The following KLHL14 variants were observed in gnomAD, a reference collection of about 807,000 sequenced individuals.
KLHL14 encodes the protein kelch like family member 14.
KLHL14 carries 22 observed loss-of-function variants against 64.3 expected under a neutral mutation model. That is an observed-to-expected ratio of 0.34 (90% CI 0.24 to 0.49). The LOEUF is 0.49. KLHL14 is among the 20% of genes least tolerant of loss of function. The probability of loss-of-function intolerance (pLI) is 0.99; values close to 1 mark genes in which losing one functional copy is unlikely to be tolerated. For missense variants in KLHL14, 661 were observed against 789.0 expected (o/e 0.84, Z 1.94); for synonymous variants, 322 against 333.4 (o/e 0.97, Z 0.37).
chr18:32,735,497 C>A (rs1362473604), intron 3 of KLHL14, among the ~76,000 whole-genome samples: 1 of 152,130 alleles, frequency 6.6e-6, no homozygotes, highest in Non-Finnish European at 1.5e-5. Flanking sequence ...CAGCCACGCA[C>A]CTTCTTTTTG....
At chr18:32,767,805 C>A (rs899480397) in intron 2 of KLHL14, among the ~76,000 whole-genome samples, 1 of 152,172 alleles carries the variant, frequency 6.6e-6, no homozygotes, top group Non-Finnish European at 1.5e-5. Context: ...AGCTCCTCTG[C>A]CAAAATTACT....
At chr18:32,768,323 A>T (rs941165835) in intron 2 of KLHL14, among the ~76,000 whole-genome samples, 2 of 152,000 alleles carry the variant, frequency 1.3e-5, no homozygotes, top group Non-Finnish European at 2.9e-5. Context: ...AGAGCTGCCT[A>T]AAAAAGTGTA....
intron 2 of KLHL14, chr18:32,744,155 T>C (rs1205976404): frequency 6.6e-6 from 1 of 152,186 alleles, no homozygotes; most frequent in Non-Finnish European, 1.5e-5. Flanking sequence ...TATTTTAGTA[T>C]ATAAACAAAT....
intron 3 of KLHL14, among the ~76,000 whole-genome samples, chr18:32,728,985 C>T (rs572383798): frequency 4.6e-5 from 7 of 152,314 alleles, no homozygotes; most frequent in African/African-American, 1.4e-4. Flanking sequence ...GTTTGCAGAA[C>T]TGTGAGAGAA....
intron 5 of KLHL14, among the ~76,000 whole-genome samples, chr18:32,684,340 T>A (rs1405565295): frequency 6.6e-6 from 1 of 152,238 alleles, no homozygotes; most frequent in East Asian, 1.9e-4. Context: ...CCTGCTAAAC[T>A]GGGAAGGTGT....
At chr18:32,705,273 G>A (rs2049984586) in intron 3 of KLHL14, among the ~76,000 whole-genome samples, 1 of 152,190 alleles carries the variant, frequency 6.6e-6, no homozygotes, top group Non-Finnish European at 1.5e-5. Context: ...GCTAGAAGGA[G>A]AATGTTGAAT....
Position 32,770,059 on chromosome 18 carries a change from T to A in KLHL14, c.533A>T (p.Asn178Ile). ...GTAGTTCTGCACCGAGATCTGGTCG[T>A]TGAGGAACTGCACGCAGAGCTTGGT... ...QVTKLCVQFLNDQISVQNYKQ... is the reference protein window; with the variant it reads ...QVTKLCVQFLIDQISVQNYKQ... Residue 178 changes from asparagine to isoleucine, a missense_variant, in exon 2 of 9, where the codon AAC (asparagine) becomes ATC (isoleucine). Coordinates refer to ENST00000359358, the MANE Select transcript of KLHL14 (RefSeq NM_020805.3). The surrounding 1 kb of genome is among the most constrained non-coding windows in gnomAD (Gnocchi z 6.7). 1 of 1,613,846 alleles carries A rather than the reference T, an allele frequency of 6.2e-7. No homozygotes were observed. The highest frequency in any genetic ancestry group is 8.5e-7 in the Non-Finnish European group (1 of 1,179,960).
intron 4 of KLHL14, among the ~76,000 whole-genome samples, chr18:32,693,690 A>G (rs1208237979): frequency 1.3e-5 from 2 of 152,242 alleles, no homozygotes; most frequent in African/African-American, 4.8e-5. Context: ...AACCATCCCT[A>G]TGGTAAATGC....
chr18:32,693,780 G>A (rs1188408942), intron 4 of KLHL14, among the ~76,000 whole-genome samples: 1 of 152,070 alleles, frequency 6.6e-6, no homozygotes, highest in Non-Finnish European at 1.5e-5. Flanking sequence ...TCTCAGGGCT[G>A]GGAAAGAGAA....
intron 5 of KLHL14, among the ~76,000 whole-genome samples, chr18:32,685,138 G>A (rs1055576139): frequency 2.6e-5 from 4 of 152,262 alleles, no homozygotes; most frequent in East Asian, 1.9e-4. Context: ...GGTGGCTGCC[G>A]GGCGCCGACA....
chr18:32,723,341 C>T (rs142857040), intron 3 of KLHL14, among the ~76,000 whole-genome samples: 5 of 152,320 alleles, frequency 3.3e-5, no homozygotes, highest in Admixed American at 2.0e-4. Flanking sequence ...GTACTCTCCA[C>T]CCCAGGTCCT....
intron 2 of KLHL14, among the ~76,000 whole-genome samples, chr18:32,755,027 T>TGGAA (rs2050274810): frequency 6.6e-6 from 1 of 152,138 alleles, no homozygotes; most frequent in African/African-American, 2.4e-5. Context: ...GTGTGGCTTG[T>TGGAA]GGAATCCTGC....
intron 3 of KLHL14, among the ~76,000 whole-genome samples, chr18:32,717,693 T>C (rs2050053255): frequency 6.6e-6 from 1 of 152,240 alleles, no homozygotes; most frequent in South Asian, 2.1e-4. Context: ...GTCTGTCATA[T>C]AGATCAACAT....
At position 32,770,540 on chromosome 18, in the gene KLHL14, T is replaced by A; in HGVS notation, c.52A>T (p.Asn18Tyr). The A allele has an allele frequency of 1.2e-6, 2 of 1,604,992 alleles. No individual in the cohort carries two copies. The highest frequency in any genetic ancestry group is 1.7e-5 in the Admixed American group (1 of 59,728). ...TSTFDPSHSDNLLHGLNLLWR... is the reference protein window; with the variant it reads ...TSTFDPSHSDYLLHGLNLLWR... ...AGCAGGTTGAGGCCGTGCAGCAGGT[T>A]GTCGCTGTGGCTGGGGTCGAAGGTG... is the stretch of plus-strand genomic sequence containing the variant. Residue 18 changes from asparagine to tyrosine, a missense_variant, in exon 2 of 9, where the codon AAC (asparagine) becomes TAC (tyrosine). By Grantham distance (143) the Asn-to-Tyr change is moderately radical. This residue lies in a region of KLHL14 where 331 missense variants were observed against 339.0 expected (regional missense o/e 0.98). Coordinates refer to ENST00000359358, the MANE Select transcript of KLHL14 (RefSeq NM_020805.3). This position sits in a 1 kb window ranked among gnomAD's most constrained non-coding sequence, Gnocchi z 6.7.
chr18:32,772,095 CG>C lies in KLHL14; in HGVS notation c.-44+571del, dbSNP rs762086463. 11 of 11,302 alleles carry C rather than the reference CG, an allele frequency of 9.7e-4. 1 individual carries two copies. The South Asian group carries it at 0.018, about 19-fold the overall frequency. The allele number at this position is 11,302 out of a possible 1,614,324, so 0.7% of individuals were successfully genotyped here. ...ACCCTCTGCTTGCATCCCGCCCGCG[CG>C]CCGGCCCGCCGGCCCGCCGGCCCGC... On this transcript the variant is annotated intron_variant, in intron 1 of 8. Coordinates refer to ENST00000359358, the MANE Select transcript of KLHL14 (RefSeq NM_020805.3).
intron 3 of KLHL14, among the ~76,000 whole-genome samples, chr18:32,740,049 A>T (rs1316732113): frequency 6.6e-6 from 1 of 152,188 alleles, no homozygotes; most frequent in Non-Finnish European, 1.5e-5. Flanking sequence ...CATGACTCCA[A>T]ATATTTATAT....
intron 3 of KLHL14, among the ~76,000 whole-genome samples, chr18:32,702,933 G>T (rs1456667085): frequency 6.6e-6 from 1 of 152,198 alleles, no homozygotes; most frequent in African/African-American, 2.4e-5. Flanking sequence ...TTAGGAGGCT[G>T]TGCAAGAACG....
chr18:32,699,642 G>A (rs1489715784), intron 3 of KLHL14, among the ~76,000 whole-genome samples: 1 of 152,106 alleles, frequency 6.6e-6, no homozygotes, highest in Non-Finnish European at 1.5e-5. Context: ...TTTTCAATAG[G>A]TATGTTCATC....
intron 4 of KLHL14, among the ~76,000 whole-genome samples, chr18:32,694,906 A>C (rs1324764002): frequency 6.6e-6 from 1 of 152,184 alleles, no homozygotes; most frequent in Admixed American, 6.5e-5. Flanking sequence ...TTCTCTTTGC[A>C]ATAAGTTTAT....
Sources: allele counts gnomAD v4.1 joint callset (sites outside exome capture counted in the v4.1 genomes callset), GRCh38; gene constraint gnomAD v4.1.1; regional missense constraint gnomAD v4.1.1; non-coding constraint Gnocchi (gnomAD v3.1); transcripts MANE v1.5; gene names NCBI Gene and HGNC (gene_info 2026-07-23, HGNC 2026-07-21).